Variants in ZNRF3 observed in about 807,000 individuals in gnomAD.
The protein encoded by ZNRF3 is E3 ubiquitin-protein ligase ZNRF3.
In ZNRF3, 23 loss-of-function variants were observed where a neutral mutation model predicts 72.5. The observed-to-expected ratio is 0.32, with a 90% confidence interval of 0.23 to 0.45. The LOEUF is 0.45. Among genes scored for constraint, ZNRF3 ranks in the 20% least tolerant of loss-of-function variants. The pLI, the probability that ZNRF3 is intolerant of heterozygous loss-of-function variation, is 1.00. For synonymous variants in ZNRF3, 610 were observed against 545.3 expected (o/e 1.12, Z -1.65); for missense variants, 1,169 against 1,272.1 (o/e 0.92, Z 1.23).
intron 1 of ZNRF3, chr22:28,917,390 C>T: frequency 1.0e-5 from 10 of 985,356 alleles, no homozygotes; most frequent in Non-Finnish European, 1.2e-5. Flanking sequence ...GCCATCTGTG[C>T]ACAGAAGTTT....
chr22:29,047,380 C>T (rs1240781046), intron 6 of ZNRF3, among the ~76,000 whole-genome samples: 1 of 152,220 alleles, frequency 6.6e-6, no homozygotes, highest in Non-Finnish European at 1.5e-5. Context: ...TAGACAGATG[C>T]ATACATACAC....
intron 2 of ZNRF3, among the ~76,000 whole-genome samples, chr22:29,034,136 G>A (rs2036819150): frequency 6.6e-6 from 1 of 152,178 alleles, no homozygotes; most frequent in Admixed American, 6.5e-5. Context: ...TCTTCATGCT[G>A]CTGCTTGCTA....
In ZNRF3 at chr22:29,053,565, T is replaced by G; in HGVS notation, c.2768-14T>G. Reference sequence around the variant, plus strand: ...CAGCTCCCTCCCCTGATGATTGTTCTCTCTCTTTCCCAGGACCGAGATCTC... The same window carrying G: ...CAGCTCCCTCCCCTGATGATTGTTCGCTCTCTTTCCCAGGACCGAGATCTC... On this transcript the variant is annotated splice_polypyrimidine_tract_variant and intron_variant, in intron 8 of 8. Transcript: ENST00000544604. The G allele has an allele frequency of 1.2e-6, 2 of 1,606,416 alleles. No individual in the cohort carries two copies. Among genetic ancestry groups the G allele is most frequent in the Middle Eastern group, 3.3e-4 (2 of 6,032 alleles).
intron 1 of ZNRF3, among the ~76,000 whole-genome samples, chr22:28,983,607 C>G (rs116915998): frequency 6.6e-6 from 1 of 152,234 alleles, no homozygotes; most frequent in Admixed American, 6.5e-5. Flanking sequence ...CCCTCCATTT[C>G]TTTCTACCAT....
chr22:28,883,576 A>G lies in ZNRF3; in HGVS notation c.-191A>G. The G allele has an allele frequency of 2.3e-6, 1 of 443,346 alleles. No individual in the cohort carries two copies. The highest frequency in any genetic ancestry group is 3.0e-6 in the Non-Finnish European group (1 of 334,814). 27.5% of individuals were successfully genotyped at this position (443,346 alleles called of 1,614,324 possible). A position where few individuals can be genotyped will look rare whatever the true frequency, so the allele number is the denominator to read the frequency against. ...TCACGACGCTGCCGGGGCGGGGATA[A>G]CCCCTCACGTGGAGCAGATGAAAGG... On this transcript the variant is annotated 5_prime_UTR_variant, in exon 1 of 9. Transcript: ENST00000544604. This position sits in a 1 kb window ranked among gnomAD's most constrained non-coding sequence, Gnocchi z 5.5.
Position 28,991,991 on chromosome 22 carries a change from A to T in ZNRF3, c.426+4790A>T, listed in dbSNP as rs1442224443. On this transcript the variant is annotated intron_variant, in intron 2 of 8. Coordinates refer to ENST00000544604, the MANE Select transcript of ZNRF3 (RefSeq NM_001206998.2). ...GACCTCCTGTCCACAAAAGAATAAA[A>T]AAAAAAAAATAATAAGCTGGGCATG... 3.3e-5 allele frequency among the ~76,000 whole-genome samples: 5 copies of T among 151,706 alleles called. No homozygotes were observed. In the East Asian group the frequency reaches 5.8e-4, roughly 18 times the overall value.
At chr22:28,904,320 A>T (rs2034164310) in intron 1 of ZNRF3, among the ~76,000 whole-genome samples, 1 of 152,218 alleles carries the variant, frequency 6.6e-6, no homozygotes, top group Non-Finnish European at 1.5e-5. Flanking sequence ...TAAGAGCTCG[A>T]ACAATCTTGA....
chr22:28,900,619 G>C (rs1009664406), intron 1 of ZNRF3, among the ~76,000 whole-genome samples: 3 of 152,162 alleles, frequency 2.0e-5, no homozygotes, highest in African/African-American at 7.2e-5. Context: ...AACAGCTCAG[G>C]CAGTCTGTTG....
chr22:29,053,685 C>CA lies in ZNRF3; in HGVS notation c.*69dup. The CA allele has an allele frequency of 6.6e-7, 1 of 1,504,732 alleles. No individual in the cohort carries two copies. Among genetic ancestry groups the CA allele is most frequent in the Non-Finnish European group, 9.0e-7 (1 of 1,113,184 alleles). The allele number at this position is 1,504,732 out of a possible 1,614,324, so 93.2% of individuals were successfully genotyped here. On this transcript the variant is annotated 3_prime_UTR_variant, in exon 9 of 9. Transcript: ENST00000544604. Reference sequence around the variant, plus strand: ...ATGGAGACTCCAAACTGACTTCTTTCAAAAAACAAAAACAAAAAATTTTTT... The same window carrying CA: ...ATGGAGACTCCAAACTGACTTCTTTCAAAAAAACAAAAACAAAAAATTTTTT...
chr22:28,983,645 T>C (rs956780026), intron 1 of ZNRF3, among the ~76,000 whole-genome samples: 16 of 152,236 alleles, frequency 1.1e-4, no homozygotes, highest in African/African-American at 3.1e-4. Flanking sequence ...TCATGGATGT[T>C]CAGCATTTGC....
At position 28,883,803 on chromosome 22, in the gene ZNRF3, GGCCGCCGCCGCCGCCGCCTGC is replaced by G. The variant is rs1046639316; in HGVS notation, c.47_67del (p.Arg16_Arg22del). ...CTCGGGCGGGCGCCCAGGGGCCACG[GGCCGCCGCCGCCGCCGCCTGC>G]GCCGCCGCCCCCGCGGCCTCCGGTG... On this transcript the variant is annotated inframe_deletion, in exon 1 of 9. Coordinates refer to ENST00000544604, the MANE Select transcript of ZNRF3 (RefSeq NM_001206998.2). This position sits in a 1 kb window ranked among gnomAD's most constrained non-coding sequence, Gnocchi z 5.5. 41 of 978,592 alleles carry G rather than the reference GGCCGCCGCCGCCGCCGCCTGC, an allele frequency of 4.2e-5. No individual in the cohort carries two copies. The highest frequency in any genetic ancestry group is 1.2e-4 in the African/African-American group (7 of 56,158). 60.6% of individuals were successfully genotyped at this position (978,592 alleles called of 1,614,324 possible).
chr22:29,042,671 T>A, intron 3 of ZNRF3, 102 bp downstream of exon 3: 1 of 1,033,300 alleles, frequency 9.7e-7, no homozygotes, highest in Non-Finnish European at 1.5e-6. Flanking sequence ...TCTCAGAGCA[T>A]TTGCTCTTGT....
chr22:28,969,871 G>A (rs746422620), intron 1 of ZNRF3, among the ~76,000 whole-genome samples: 3 of 152,162 alleles, frequency 2.0e-5, no homozygotes, highest in Non-Finnish European at 2.9e-5. Flanking sequence ...CAGGGTGGAA[G>A]CAGGGGAGGT....
chr22:29,000,667 A>G (rs999641093), intron 2 of ZNRF3, among the ~76,000 whole-genome samples: 24 of 152,324 alleles, frequency 1.6e-4, no homozygotes, highest in African/African-American at 5.8e-4. Context: ...TTTATAAAGA[A>G]AGAGGTTGAA....
At chr22:28,965,379 C>CAT (rs1292646094) in intron 1 of ZNRF3, among the ~76,000 whole-genome samples, 5 of 152,212 alleles carry the variant, frequency 3.3e-5, no homozygotes, top group Non-Finnish European at 5.9e-5. Flanking sequence ...CTGACCCTTA[C>CAT]AACTACCTTT....
chr22:28,951,537 A>G (rs775094600), intron 1 of ZNRF3, among the ~76,000 whole-genome samples: 12 of 152,310 alleles, frequency 7.9e-5, no homozygotes, highest in Admixed American at 2.6e-4. Flanking sequence ...CATAGCCCCC[A>G]TAAGGAATCA....
Position 29,049,587 on chromosome 22 carries a change from A to C in ZNRF3, c.1406A>C (p.Tyr469Ser), listed in dbSNP as rs1282375628. 2 of 1,608,022 alleles carry C rather than the reference A, an allele frequency of 1.2e-6. No homozygotes were observed. Among genetic ancestry groups the C allele is most frequent in the Admixed American group, 3.3e-5 (2 of 59,822 alleles). Reference sequence around the variant, plus strand: ...TGCTTCTCCCAGTATGAGACCATGTACCAGCACTACTACTTCCAGGGCCTC... The same window carrying C: ...TGCTTCTCCCAGTATGAGACCATGTCCCAGCACTACTACTTCCAGGGCCTC... ...AACFSQYETM[Y>S]QHYYFQGLSY... Residue 469 changes from tyrosine to serine, a missense_variant, in exon 8 of 9, where the codon TAC becomes TCC. Around this residue, in one of 2 missense-constraint regions of ZNRF3, gnomAD observed 783 missense variants for 731.4 expected, o/e 1.07. Transcript: ENST00000544604. This position sits in a 1 kb window ranked among gnomAD's most constrained non-coding sequence, Gnocchi z 5.2.
intron 2 of ZNRF3, among the ~76,000 whole-genome samples, chr22:29,035,053 A>G (rs1382286275): frequency 7.1e-6 from 1 of 140,874 alleles, no homozygotes; most frequent in Non-Finnish European, 1.5e-5. Flanking sequence ...TATATTGGCC[A>G]GGCTGGTCTC....
intron 2 of ZNRF3, among the ~76,000 whole-genome samples, chr22:29,040,149 CATA>C (rs1333020996): frequency 6.6e-6 from 1 of 151,236 alleles, no homozygotes; most frequent in East Asian, 1.9e-4. Context: ...GGACTCTAGT[CATA>C]ATAACATAGG....
Sources: allele counts gnomAD v4.1 joint callset (sites outside exome capture counted in the v4.1 genomes callset), GRCh38; gene constraint gnomAD v4.1.1; regional missense constraint gnomAD v4.1.1; non-coding constraint Gnocchi (gnomAD v3.1); transcripts MANE v1.5; gene names NCBI Gene and HGNC (gene_info 2026-07-23, HGNC 2026-07-21).